Variants in ENAH observed in about 807,000 individuals in gnomAD.
ENAH encodes protein enabled homolog.
In ENAH, 23 loss-of-function variants were observed where a neutral mutation model predicts 78.7. That is an observed-to-expected ratio of 0.29 (90% CI 0.21 to 0.41). The LOEUF (loss-of-function observed/expected upper bound fraction) is 0.41, where lower values mean the gene tolerates loss of function less well. Ranked by LOEUF, ENAH falls within the 10% of genes least tolerant of loss-of-function variation. The pLI, the probability that ENAH is intolerant of heterozygous loss-of-function variation, is 1.00. For missense variants in ENAH, 544 were observed against 691.0 expected, an observed-to-expected ratio of 0.79 and a Z score of 2.39; for synonymous variants, 226 against 241.0, an observed-to-expected ratio of 0.94 and a Z score of 0.58.
intron 2 of ENAH, among the ~76,000 whole-genome samples, chr1:225,563,295 G>A (rs1394862791): frequency 7.2e-5 from 11 of 151,934 alleles, no homozygotes; most frequent in Admixed American, 7.2e-4. Flanking sequence ...ACTTTGTATG[G>A]CTAGGTTATC....
Position 225,506,988 on chromosome 1 carries a change from CT to C in ENAH, c.1538+962del, listed in dbSNP as rs532869832. On this transcript the variant is annotated intron_variant, in intron 11 of 13. Coordinates refer to ENST00000366843, the MANE Select transcript of ENAH (RefSeq NM_018212.6). ...ATACCTTTTAGTTTCTAAATACATA[CT>C]TTTTTTTTTTCTGGGAAAAATACAA... 3.4e-4 allele frequency among the ~76,000 whole-genome samples: 50 copies of C among 147,622 alleles called. 3 individuals are homozygous for C. Among genetic ancestry groups the C allele is most frequent in the African/African-American group, 6.9e-4 (28 of 40,518 alleles).
chr1:225,553,349 A>G (rs761287498), intron 3 of ENAH, among the ~76,000 whole-genome samples: 8 of 152,256 alleles, frequency 5.3e-5, no homozygotes, highest in Non-Finnish European at 1.0e-4. Context: ...GACAAGAGGA[A>G]TAATAAAATT....
intron 1 of ENAH, among the ~76,000 whole-genome samples, chr1:225,608,325 T>C (rs2096968132): frequency 6.7e-6 from 1 of 149,952 alleles, no homozygotes; most frequent in Non-Finnish European, 1.5e-5. Flanking sequence ...TCAGAGTCCA[T>C]TACCAAAGAA....
chr1:225,491,008 T>G lies in ENAH; in HGVS notation c.*6767A>C, dbSNP rs1458056009. Reference sequence around the variant, plus strand: ...CACCAAGGATGGACAAACCTCAGACTTGATCAATGGGTGGAGGGAAACTCC... The same window carrying G: ...CACCAAGGATGGACAAACCTCAGACGTGATCAATGGGTGGAGGGAAACTCC... On this transcript the variant is annotated 3_prime_UTR_variant, in exon 14 of 14. Coordinates refer to ENST00000366843, the MANE Select transcript of ENAH (RefSeq NM_018212.6). 6.6e-6 allele frequency: 1 copy of G among 152,170 alleles called. No individual in the cohort carries two copies. The highest frequency in any genetic ancestry group is 6.5e-5 in the Admixed American group (1 of 15,278). 9.4% of individuals were successfully genotyped at this position (152,170 alleles called of 1,614,324 possible).
At chr1:225,555,320 C>T (rs1484202937) in intron 2 of ENAH, among the ~76,000 whole-genome samples, 37 of 152,326 alleles carry the variant, frequency 2.4e-4, no homozygotes, top group Non-Finnish European at 5.9e-5. Flanking sequence ...GTGGCTCACG[C>T]CTGTAATCCC....
chr1:225,557,142 C>A (rs1352280347), intron 2 of ENAH, among the ~76,000 whole-genome samples: 1 of 152,156 alleles, frequency 6.6e-6, no homozygotes, highest in Non-Finnish European at 1.5e-5. Flanking sequence ...GTTTTACATT[C>A]TGATTATCAG....
intron 12 of ENAH, among the ~76,000 whole-genome samples, chr1:225,500,047 G>A (rs1316781396): frequency 6.6e-6 from 1 of 152,110 alleles, no homozygotes; most frequent in Non-Finnish European, 1.5e-5. Flanking sequence ...ACCAAGAACT[G>A]ACCATGTTTT....
intron 3 of ENAH, among the ~76,000 whole-genome samples, chr1:225,552,957 T>C (rs933154457): frequency 6.6e-6 from 1 of 152,110 alleles, no homozygotes; most frequent in Non-Finnish European, 1.5e-5. Flanking sequence ...AAAAAGGCTG[T>C]GCACGGTGGC....
Position 225,489,903 on chromosome 1 carries a change from C to G in ENAH, c.*7872G>C, listed in dbSNP as rs2096214795. ...GGCAGAGGTTGCAGTGAGCTGAAATCACACCACTGCACTCCAGCCTGGATG... is the reference window on the plus strand; with the variant it reads ...GGCAGAGGTTGCAGTGAGCTGAAATGACACCACTGCACTCCAGCCTGGATG... On this transcript the variant is annotated 3_prime_UTR_variant, in exon 14 of 14. Coordinates refer to ENST00000366843, the MANE Select transcript of ENAH (RefSeq NM_018212.6). 1 of 152,152 alleles carries G rather than the reference C, an allele frequency of 6.6e-6. No homozygotes were observed. Among genetic ancestry groups the G allele is most frequent in the African/African-American group, 2.4e-5 (1 of 41,420 alleles). 9.4% of individuals were successfully genotyped at this position (152,152 alleles called of 1,614,324 possible).
chr1:225,498,650 ACT>A (rs1202753084), intron 12 of ENAH, among the ~76,000 whole-genome samples: 1 of 152,218 alleles, frequency 6.6e-6, no homozygotes, highest in Non-Finnish European at 1.5e-5. Context: ...TAAGATAATT[ACT>A]CTGTCATCCA....
chr1:225,530,948 T>G, intron 3 of ENAH: 1 of 406,696 alleles, frequency 2.5e-6, no homozygotes, highest in Non-Finnish European at 4.3e-6. Flanking sequence ...GCACCTAAGC[T>G]TGACAGTTTC....
chr1:225,516,346 G>C (rs1267183290), intron 6 of ENAH, among the ~76,000 whole-genome samples: 2 of 152,152 alleles, frequency 1.3e-5, no homozygotes, highest in Non-Finnish European at 2.9e-5. Context: ...CCAAGGGTTA[G>C]GGTGACACCT....
At chr1:225,596,289 A>G (rs1297899159) in intron 1 of ENAH, among the ~76,000 whole-genome samples, 2 of 152,186 alleles carry the variant, frequency 1.3e-5, no homozygotes, top group Admixed American at 1.3e-4. Flanking sequence ...AGGAATTTAT[A>G]TTTTACTTAG....
intron 1 of ENAH, among the ~76,000 whole-genome samples, chr1:225,590,238 C>T (rs2096868982): frequency 6.6e-6 from 1 of 152,124 alleles, no homozygotes; most frequent in Non-Finnish European, 1.5e-5. Flanking sequence ...AATCCCAGCA[C>T]TTTGGGAGAC....
At position 225,487,400 on chromosome 1, in the gene ENAH, G is replaced by C. The variant is rs2096204970; in HGVS notation, c.*10375C>G. ...ATGTCAAGCTTAGAAGATGTTTCCTGACAATGAGATCCTGTTTAATTCAGA... is the reference window on the plus strand; with the variant it reads ...ATGTCAAGCTTAGAAGATGTTTCCTCACAATGAGATCCTGTTTAATTCAGA... On this transcript the variant is annotated 3_prime_UTR_variant, in exon 14 of 14. Transcript: ENST00000366843. The C allele has an allele frequency of 6.6e-6, 1 of 152,124 alleles. No homozygotes were observed. The allele number at this position is 152,124 out of a possible 1,614,324, so 9.4% of individuals were successfully genotyped here.
chr1:225,628,512 CAT>C (rs1436193812), intron 1 of ENAH, among the ~76,000 whole-genome samples: 11 of 152,094 alleles, frequency 7.2e-5, no homozygotes, highest in South Asian at 2.1e-4. Context: ...TTTTAAAAAA[CAT>C]AGAAAATGCA....
At position 225,494,319 on chromosome 1, in the gene ENAH, T is replaced by C. The variant is rs2096239304; in HGVS notation, c.*3456A>G. The C allele has an allele frequency of 6.6e-6, 1 of 152,118 alleles. No individual in the cohort carries two copies. Among genetic ancestry groups the C allele is most frequent in the African/African-American group, 2.4e-5 (1 of 41,432 alleles). 9.4% of individuals were successfully genotyped at this position (152,118 alleles called of 1,614,324 possible). On this transcript the variant is annotated 3_prime_UTR_variant, in exon 14 of 14. Coordinates refer to ENST00000366843, the MANE Select transcript of ENAH (RefSeq NM_018212.6). Reference sequence around the variant, plus strand: ...TAGAGAAAAAGTACTACTGCTTATATGTAGGTTTTAAGAAATCAGCATCAT... The same window carrying C: ...TAGAGAAAAAGTACTACTGCTTATACGTAGGTTTTAAGAAATCAGCATCAT...
At position 225,652,677 on chromosome 1, in the gene ENAH, G is replaced by T; in HGVS notation, c.5+9C>A. On this transcript the variant is annotated intron_variant, in intron 1 of 13. Coordinates refer to ENST00000366843, the MANE Select transcript of ENAH (RefSeq NM_018212.6). Reference sequence around the variant, plus strand: ...GGCCCGCCCGGCCCCCGCCCCGCGCGCCCCTCACCTCATGGTGCCGGCGGC... The same window carrying T: ...GGCCCGCCCGGCCCCCGCCCCGCGCTCCCCTCACCTCATGGTGCCGGCGGC... 1 of 1,280,314 alleles carries T rather than the reference G, an allele frequency of 7.8e-7. No homozygotes were observed. The allele number at this position is 1,280,314 out of a possible 1,614,324, so 79.3% of individuals were successfully genotyped here. A position where few individuals can be genotyped will look rare whatever the true frequency, so the allele number is the denominator to read the frequency against.
chr1:225,528,869 T>G (rs2096524490), intron 4 of ENAH, among the ~76,000 whole-genome samples: 1 of 152,066 alleles, frequency 6.6e-6, no homozygotes, highest in African/African-American at 2.4e-5. Flanking sequence ...TGATGGCAAC[T>G]CCATCCTTCC....
Sources: gnomAD v4.1 joint callset for allele counts (sites outside exome capture counted in the v4.1 genomes callset) on GRCh38, gnomAD v4.1.1 for gene constraint, MANE v1.5 for transcripts, NCBI Gene and HGNC (gene_info 2026-07-23, HGNC 2026-07-21) for gene names.